AHI1: variants seen among roughly 807,000 people sequenced by gnomAD.
The protein encoded by AHI1 is jouberin.
Under a neutral mutation model 149.3 loss-of-function variants are expected in AHI1, and 123 were observed. That is an observed-to-expected ratio of 0.82 (90% CI 0.71 to 0.96). AHI1 has a LOEUF of 0.96. Ranked by LOEUF, AHI1 falls within the 40% of genes least tolerant of loss-of-function variation. AHI1 has a pLI of 0.00. For missense variants in AHI1, 1,439 were observed against 1,422.7 expected (o/e 1.01, Z -0.18); for synonymous variants, 475 against 459.8 (o/e 1.03, Z -0.42).
chr6:135,441,048 T>C (rs1329061704), intron 14 of AHI1, among the ~76,000 whole-genome samples: 1 of 151,780 alleles, frequency 6.6e-6, no homozygotes, highest in Non-Finnish European at 1.5e-5. Context: ...TATAAATATA[T>C]TCCAAGATCT....
intron 23 of AHI1, among the ~76,000 whole-genome samples, chr6:135,363,964 C>G (rs1229561634): frequency 6.8e-6 from 1 of 147,280 alleles, no homozygotes. Flanking sequence ...ACCTCCCTCC[C>G]GGACGGGGCG....
chr6:135,431,810 G>C (rs992047958), intron 16 of AHI1, among the ~76,000 whole-genome samples: 2 of 152,010 alleles, frequency 1.3e-5, no homozygotes, highest in African/African-American at 4.8e-5. Flanking sequence ...TACCCACTCA[G>C]GAATATCTCA....
rs549229373 is a variant in AHI1 at position 135,470,255 on chromosome 6, C to T, written c.136-2621G>A. On this transcript the variant is annotated intron_variant, in intron 5 of 28. Coordinates refer to ENST00000265602, the MANE Select transcript of AHI1 (RefSeq NM_001134831.2). ...GATGGTTAGAGAATGCAAATCAAAA[C>T]CACAATGAGATACCATCTCACACCA... 2.0e-5 allele frequency among the ~76,000 whole-genome samples: 3 copies of T among 152,178 alleles called. No homozygotes were observed. The South Asian group carries it at 6.2e-4, about 32-fold the overall frequency.
At chr6:135,387,055 T>C (rs1167025416) in intron 23 of AHI1, among the ~76,000 whole-genome samples, 1 of 152,132 alleles carries the variant, frequency 6.6e-6, no homozygotes, top group Non-Finnish European at 1.5e-5. Context: ...GCTAACTATT[T>C]TGTATTTTCT....
At chr6:135,311,428 A>ATT (rs1261356148) in intron 26 of AHI1, among the ~76,000 whole-genome samples, 6 of 152,260 alleles carry the variant, frequency 3.9e-5, no homozygotes, top group African/African-American at 1.4e-4. Flanking sequence ...ATGCAAGAAC[A>ATT]TTTTTGTAAG....
chr6:135,486,690 C>G (rs1190332135), intron 5 of AHI1, among the ~76,000 whole-genome samples: 1 of 152,056 alleles, frequency 6.6e-6, no homozygotes, highest in Non-Finnish European at 1.5e-5. Context: ...TTTTTGCACA[C>G]TTTTACTTTT....
intron 26 of AHI1, among the ~76,000 whole-genome samples, chr6:135,309,488 T>G (rs1348885868): frequency 6.6e-6 from 1 of 151,872 alleles, no homozygotes; most frequent in Non-Finnish European, 1.5e-5. Flanking sequence ...CTTTAGTTTT[T>G]TTTTTTTTTT....
chr6:135,395,459 A>T (rs1207817545), intron 22 of AHI1, among the ~76,000 whole-genome samples: 1 of 151,886 alleles, frequency 6.6e-6, no homozygotes, highest in African/African-American at 2.4e-5. Context: ...AAGAAGGAAA[A>T]TTTCTGTAAG....
At chr6:135,316,777 A>G (rs1786020801) in intron 26 of AHI1, among the ~76,000 whole-genome samples, 1 of 151,988 alleles carries the variant, frequency 6.6e-6, no homozygotes, top group Admixed American at 6.6e-5. Context: ...TTCTCATTTG[A>G]TTTTGAAGCT....
At chr6:135,387,957 T>C (rs765688177) in intron 23 of AHI1, 3 of 1,613,500 alleles carry the variant, frequency 1.9e-6, no homozygotes, top group South Asian at 2.2e-5. Context: ...TCGGCTCAGT[T>C]CTTCTGGCTG....
rs1227964988 is a variant in AHI1 at position 135,417,651 on chromosome 6, T to C, written c.2765-6107A>G. 2.0e-5 allele frequency among the ~76,000 whole-genome samples: 3 copies of C among 151,918 alleles called. No homozygotes were observed. The East Asian group carries it at 5.8e-4, about 29-fold the overall frequency. On this transcript the variant is annotated intron_variant, in intron 20 of 28. Coordinates refer to ENST00000265602, the MANE Select transcript of AHI1 (RefSeq NM_001134831.2). ...CAATTATGAACACTTGTTTTTTTCATCTAAAGGAAATTTTCTATACAGAAG... is the reference window on the plus strand; with the variant it reads ...CAATTATGAACACTTGTTTTTTTCACCTAAAGGAAATTTTCTATACAGAAG...
At chr6:135,345,112 A>C (rs1376295968) in intron 24 of AHI1, among the ~76,000 whole-genome samples, 1 of 152,230 alleles carries the variant, frequency 6.6e-6, no homozygotes, top group Non-Finnish European at 1.5e-5. Context: ...TCACTGGGAA[A>C]TGCAAATGAA....
intron 20 of AHI1, among the ~76,000 whole-genome samples, chr6:135,417,433 A>G (rs1562718265): frequency 6.6e-6 from 1 of 151,962 alleles, no homozygotes; most frequent in African/African-American, 2.4e-5. Context: ...TTTTTGTCAA[A>G]CTATTTTCTA....
chr6:135,335,096 T>A (rs1364017571), intron 24 of AHI1, among the ~76,000 whole-genome samples: 1 of 152,234 alleles, frequency 6.6e-6, no homozygotes, highest in African/African-American at 2.4e-5. Flanking sequence ...AATCTTAGAA[T>A]GTTACTGGCC....
chr6:135,303,863 C>T (rs771574177), intron 26 of AHI1, among the ~76,000 whole-genome samples: 5 of 152,174 alleles, frequency 3.3e-5, no homozygotes, highest in Non-Finnish European at 7.3e-5. Flanking sequence ...GAATAGGGCT[C>T]TGTAAATGAC....
rs754003413 is a variant in AHI1, at chr6:135,466,285, C to G, written c.278G>C (p.Ser93Thr). The change falls in exon 7 of 29, where the codon AGC becomes ACC. Residue 93 changes from serine to threonine, a missense_variant. Physicochemically the swap from Ser to Thr is moderately conservative, Grantham distance 58. Coordinates refer to ENST00000265602, the MANE Select transcript of AHI1 (RefSeq NM_001134831.2). ...SAANTNNLKK[S>T]TRVTKNKLRN... Reference sequence around the variant, plus strand: ...CAATTTGTTTTTAGTGACTCTCGTGCTCTTCTTCAGGTTGTTAGTGTTAGC... The same window carrying G: ...CAATTTGTTTTTAGTGACTCTCGTGGTCTTCTTCAGGTTGTTAGTGTTAGC... 6.2e-7 allele frequency: 1 copy of G among 1,613,912 alleles called. No homozygotes were observed. Among genetic ancestry groups the G allele is most frequent in the Admixed American group, 1.7e-5 (1 of 60,020 alleles).
intron 24 of AHI1, among the ~76,000 whole-genome samples, chr6:135,341,057 T>A (rs1333215578): frequency 6.6e-6 from 1 of 151,994 alleles, no homozygotes; most frequent in Non-Finnish European, 1.5e-5. Context: ...ACAACAACGA[T>A]AATATATCAG....
chr6:135,390,146 G>A (rs1161107439), intron 23 of AHI1, among the ~76,000 whole-genome samples: 1 of 151,880 alleles, frequency 6.6e-6, no homozygotes, highest in African/African-American at 2.4e-5. Context: ...TCTATAGTAG[G>A]GACTCTTGAG....
intron 23 of AHI1, among the ~76,000 whole-genome samples, chr6:135,383,681 A>G (rs1350532494): frequency 6.6e-6 from 1 of 152,198 alleles, no homozygotes; most frequent in Non-Finnish European, 1.5e-5. Context: ...AAATCTAAGT[A>G]TTTGGAAATA....
Sources: allele counts gnomAD v4.1 joint callset (sites outside exome capture counted in the v4.1 genomes callset), GRCh38; gene constraint gnomAD v4.1.1; transcripts MANE v1.5; gene names NCBI Gene and HGNC (gene_info 2026-07-23, HGNC 2026-07-21).